PTGR1: variants seen among roughly 807,000 people sequenced by gnomAD.
PTGR1 encodes 15-oxoprostaglandin 13-reductase.
In PTGR1, 23 loss-of-function variants were observed where a neutral mutation model predicts 37.7. The ratio of observed to expected loss-of-function variants is 0.61; its 90% confidence interval spans 0.44 to 0.86. The LOEUF (loss-of-function observed/expected upper bound fraction) is 0.86. Ranked by LOEUF, PTGR1 falls within the 40% of genes least tolerant of loss-of-function variation. PTGR1 has a pLI of 0.00. For synonymous variants in PTGR1, 134 were observed against 140.0 expected (o/e 0.96, Z 0.30); for missense variants, 351 against 394.3 (o/e 0.89, Z 0.93).
At chr9:111,570,787 A>C (rs1041183664) in intron 8 of PTGR1, among the ~76,000 whole-genome samples, 2 of 152,100 alleles carry the variant, frequency 1.3e-5, no homozygotes, top group African/African-American at 4.8e-5. Flanking sequence ...TCAAAAAAAT[A>C]AAAAGAAAAA....
chr9:111,557,472 G>T (rs537605490), intron 9 of PTGR1, among the ~76,000 whole-genome samples: 1 of 151,734 alleles, frequency 6.6e-6, no homozygotes, highest in African/African-American at 2.4e-5. Context: ...TGGAGATGGA[G>T]TCTCGCTCTG....
At chr9:111,560,978 G>T (rs1306834375), downstream of PTGR1, among the ~76,000 whole-genome samples, 1,749 of 16,350 alleles carry the variant, frequency 0.11, 51 homozygotes, top group Middle Eastern at 0.14. Flanking sequence ...TATATATAGA[G>T]AGAGAGAGAG....
intron 7 of PTGR1, among the ~76,000 whole-genome samples, chr9:111,575,704 A>T (rs1187408824): frequency 6.6e-6 from 1 of 152,252 alleles, no homozygotes; most frequent in African/African-American, 2.4e-5. Context: ...ATGGAAAATA[A>T]TGCAATTGGG....
intron 3 of PTGR1, among the ~76,000 whole-genome samples, chr9:111,593,934 T>C (rs1161376769): frequency 6.6e-6 from 1 of 150,774 alleles, no homozygotes; most frequent in Non-Finnish European, 1.5e-5. Flanking sequence ...TTTTTTTCCT[T>C]CTTTTTTTTT....
intron 9 of PTGR1, among the ~76,000 whole-genome samples, chr9:111,566,341 C>T (rs1828561133): frequency 6.6e-6 from 1 of 152,198 alleles, no homozygotes; most frequent in South Asian, 2.1e-4. Context: ...CATTAGATTT[C>T]ACCAACTGGG....
chr9:111,557,531 C>T (rs1021935455), intron 9 of PTGR1, among the ~76,000 whole-genome samples: 5 of 151,836 alleles, frequency 3.3e-5, no homozygotes, highest in Admixed American at 6.6e-5. Flanking sequence ...CTGCAACCTC[C>T]GCCTCCCGGG....
chr9:111,574,981 A>T, intron 7 of PTGR1, 139 bp from the exon 8 acceptor site: 2 of 638,158 alleles, frequency 3.1e-6, no homozygotes, highest in Non-Finnish European at 5.2e-6. Flanking sequence ...AGTGCAGAAG[A>T]CTGCAGTTAG....
chr9:111,570,249 G>T (rs1322634702), intron 8 of PTGR1, 40 bp from the exon 9 acceptor site: 4 of 1,591,158 alleles, frequency 2.5e-6, no homozygotes, highest in African/African-American at 2.7e-5. Flanking sequence ...AGGATCCAGG[G>T]AGGTGCCCAT....
chr9:111,573,453 C>T (rs1589302562), intron 8 of PTGR1, among the ~76,000 whole-genome samples: 1 of 152,126 alleles, frequency 6.6e-6, no homozygotes, highest in Non-Finnish European at 1.5e-5. Flanking sequence ...ACCAGTGGGG[C>T]TATAAGGTTT....
intron 9 of PTGR1, among the ~76,000 whole-genome samples, chr9:111,565,419 C>G (rs923589015): frequency 1.3e-5 from 2 of 152,196 alleles, no homozygotes; most frequent in Non-Finnish European, 2.9e-5. Flanking sequence ...AATACAAATA[C>G]TAATGTAAAA....
chr9:111,565,937 C>T (rs955827108), intron 9 of PTGR1, among the ~76,000 whole-genome samples: 4 of 152,214 alleles, frequency 2.6e-5, no homozygotes, highest in East Asian at 1.9e-4. Context: ...TAGGGCTGGG[C>T]GCGGTGGCTC....
At chr9:111,594,801 C>T (rs1829729735) in intron 2 of PTGR1, among the ~76,000 whole-genome samples, 2 of 149,388 alleles carry the variant, frequency 1.3e-5, no homozygotes, top group Non-Finnish European at 3.0e-5. Flanking sequence ...TCCATCGTCT[C>T]GGCATCCTAA....
intron 9 of PTGR1, among the ~76,000 whole-genome samples, chr9:111,551,916 T>A (rs1476766904): frequency 6.6e-6 from 1 of 152,212 alleles, no homozygotes; most frequent in Non-Finnish European, 1.5e-5. Context: ...ATTTTGCTTA[T>A]TTTTTGCAGC....
intron 8 of PTGR1, among the ~76,000 whole-genome samples, chr9:111,572,053 G>A (rs554436568): frequency 1.3e-5 from 2 of 152,322 alleles, no homozygotes; most frequent in East Asian, 1.9e-4. Context: ...GAAGTCAGGC[G>A]AAGATGCCTG....
At chr9:111,555,542 AAAG>A (rs1828096795) in intron 9 of PTGR1, among the ~76,000 whole-genome samples, 1 of 152,140 alleles carries the variant, frequency 6.6e-6, no homozygotes, top group East Asian at 1.9e-4. Context: ...TTTATGAAGA[AAAG>A]AGGCTTAACT....
intron 4 of PTGR1, among the ~76,000 whole-genome samples, chr9:111,587,992 T>C (rs192964698): frequency 6.6e-6 from 1 of 151,128 alleles, no homozygotes; most frequent in African/African-American, 2.4e-5. Context: ...TTAATTAATA[T>C]TCATAAACGT....
intron 4 of PTGR1, 87 bp from the exon 5 acceptor site, chr9:111,586,252 C>A (rs1829425532): frequency 3.9e-6 from 5 of 1,292,874 alleles, no homozygotes; most frequent in Non-Finnish European, 5.5e-6. Flanking sequence ...TTAGTGTTGA[C>A]AAAAGTGCAC....
At chr9:111,555,848 T>C (rs1828106367) in intron 9 of PTGR1, among the ~76,000 whole-genome samples, 1 of 152,206 alleles carries the variant, frequency 6.6e-6, no homozygotes, top group Admixed American at 6.5e-5. Context: ...AGCCAAACTA[T>C]ATCATTCCAC....
chr9:111,591,253 C>T (rs968338406), intron 4 of PTGR1, among the ~76,000 whole-genome samples: 10 of 150,588 alleles, frequency 6.6e-5, no homozygotes, highest in East Asian at 2.0e-4. Flanking sequence ...GCCAAGATTA[C>T]GCCATTGCAC....
Sources: allele counts gnomAD v4.1 joint callset (sites outside exome capture counted in the v4.1 genomes callset), GRCh38; gene constraint gnomAD v4.1.1; transcripts MANE v1.5; gene names NCBI Gene and HGNC (gene_info 2026-07-23, HGNC 2026-07-21).